The following SLC27A4 variants were observed in gnomAD, a reference collection of about 807,000 sequenced individuals.
SLC27A4 encodes solute carrier family 27 member 4.
Under a neutral mutation model 64.4 loss-of-function variants are expected in SLC27A4, and 33 were observed. The ratio of observed to expected loss-of-function variants is 0.51; its 90% CI spans 0.39 to 0.68. The LOEUF (loss-of-function observed/expected upper bound fraction) is 0.68, where lower values mean the gene tolerates loss of function less well. Ranked by LOEUF, SLC27A4 falls within the 30% of genes least tolerant of loss-of-function variation. The pLI, the probability that SLC27A4 is intolerant of heterozygous loss-of-function variation, is 0.00. For missense variants in SLC27A4, 824 were observed against 883.5 expected (o/e 0.93, Z 0.85); for synonymous variants, 377 against 370.0 (o/e 1.02, Z -0.22).
rs928697087 is a variant in SLC27A4, at chr9:128,360,782, G to A, written c.*291G>A. ...GGATGATGTCTTGGGTGAGGGTAGG[G>A]AGAGGACAAGGGGTCACCGAGCCCT... is the stretch of plus-strand genomic sequence containing the variant. On this transcript the variant is annotated 3_prime_UTR_variant, in exon 13 of 13. Coordinates refer to ENST00000300456, the MANE Select transcript of SLC27A4 (RefSeq NM_005094.4). 8.8e-6 allele frequency: 4 copies of A among 455,572 alleles called. No homozygotes were observed. The highest frequency in any genetic ancestry group is 2.1e-5 in the South Asian group (1 of 47,772). 28.2% of individuals were successfully genotyped at this position (455,572 alleles called of 1,614,324 possible). A position where few individuals can be genotyped will look rare whatever the true frequency, so the allele number is the denominator to read the frequency against.
At chr9:128,342,627 T>C in intron 1 of SLC27A4, 1 of 448,308 alleles carries the variant, frequency 2.2e-6, no homozygotes, top group Non-Finnish European at 4.2e-6. Flanking sequence ...AAATCTAGAG[T>C]AAAACCAGGC....
intron 2 of SLC27A4, among the ~76,000 whole-genome samples, chr9:128,344,191 T>G (rs1034599249): frequency 6.6e-6 from 1 of 151,892 alleles, no homozygotes; most frequent in African/African-American, 2.4e-5. Flanking sequence ...AGGAGATGAA[T>G]CCAACCAGAA....
chr9:128,358,446 A>AT (rs1470664963), intron 12 of SLC27A4, among the ~76,000 whole-genome samples: 1 of 152,092 alleles, frequency 6.6e-6, no homozygotes, highest in Non-Finnish European at 1.5e-5. Context: ...ATTAACTTAA[A>AT]TTTATTTATT....
intron 12 of SLC27A4, among the ~76,000 whole-genome samples, chr9:128,358,352 T>G (rs1316558460): frequency 6.6e-6 from 1 of 152,246 alleles, no homozygotes; most frequent in Non-Finnish European, 1.5e-5. Context: ...CTGGCAGAGC[T>G]ACTGAGCACT....
chr9:128,350,374 C>T lies in SLC27A4; in HGVS notation c.778C>T (p.His260Tyr). 1 of 1,613,502 alleles carries T rather than the reference C, an allele frequency of 6.2e-7. No individual in the cohort carries two copies. The highest frequency in any genetic ancestry group is 8.5e-7 in the Non-Finnish European group (1 of 1,179,944). Residue 260 changes from histidine to tyrosine, a missense_variant, in exon 5 of 13, where the codon CAC becomes TAC. His to Tyr is a moderately conservative substitution (Grantham distance 83). Transcript: ENST00000300456. ...GCTGCCCAAGGCCGCCATCGTGGTGCACAGCAGGTAAGGGGCAGGTGCCCA... is the reference window on the plus strand; with the variant it reads ...GCTGCCCAAGGCCGCCATCGTGGTGTACAGCAGGTAAGGGGCAGGTGCCCA... The part of the protein sequence containing the change: ...TGLPKAAIVV[H>Y]SRYYRMAALV...
intron 12 of SLC27A4, 58 bp from the exon 13 acceptor site, chr9:128,360,276 G>A (rs1832878206): frequency 6.3e-7 from 1 of 1,598,030 alleles, no homozygotes; most frequent in Admixed American, 1.7e-5. Context: ...ACTGGTGGTT[G>A]GGAAGCTGGG....
chr9:128,345,543 G>T lies in SLC27A4; in HGVS notation c.550G>T (p.Ala184Ser), dbSNP rs1211449546. Residue 184 changes from alanine (A) to serine (S), a missense_variant, in exon 3 of 13, where the codon GCC becomes TCC. Ala to Ser is a moderately conservative substitution (Grantham distance 99). Transcript: ENST00000300456. The surrounding 1 kb of genome is among the most constrained non-coding windows in gnomAD (Gnocchi z 4.1). ...ARALVFGSEM[A>S]SAICEVHASL... ...GGCCCTTGTCTTTGGCAGCGAAATG[G>T]CCTCAGGTGAGCCCCAAGGGGGCGG... 2 of 1,604,090 alleles carry T rather than the reference G, an allele frequency of 1.2e-6. No homozygotes were observed. The highest frequency in any genetic ancestry group is 1.7e-6 in the Non-Finnish European group (2 of 1,176,970).
In SLC27A4 at chr9:128,353,183, G is replaced by C. The variant is rs1255624398; in HGVS notation, c.1146G>C (p.Glu382Asp). ...GCTTCCACATACCCCAGGTGGCTGA[G>C]TTCTACGGGGCCACAGAGTGCAACT... ...SSRFHIPQVA[E>D]FYGATECNCS... Residue 382 changes from glutamate (E) to aspartate (D), a missense_variant, in exon 8 of 13, where the codon GAG becomes GAC. Physicochemically the swap from Glu to Asp is conservative, Grantham distance 45. Coordinates refer to ENST00000300456, the MANE Select transcript of SLC27A4 (RefSeq NM_005094.4). The surrounding 1 kb of genome is among the most constrained non-coding windows in gnomAD (Gnocchi z 4.9). The C allele has an allele frequency of 6.2e-7, 1 of 1,614,072 alleles. No individual in the cohort carries two copies. Among genetic ancestry groups the C allele is most frequent in the African/African-American group, 1.3e-5 (1 of 74,940 alleles).
At chr9:128,350,692 A>T (rs1486756563) in intron 6 of SLC27A4, 117 bp downstream of exon 6, 3 of 836,770 alleles carry the variant, frequency 3.6e-6, no homozygotes, top group Non-Finnish European at 5.9e-6. Context: ...GCAGTGACTC[A>T]CACCTGTAAT....
chr9:128,345,649 T>C lies in SLC27A4; in HGVS notation c.556+100T>C. ...TGCCAAGGCTGTGTGGGTCAGTGGT[T>C]AAGGGCACAGAGTGGAGTCAGACAG... On this transcript the variant is annotated intron_variant, in intron 3 of 12. Transcript: ENST00000300456. This position sits in a 1 kb window ranked among gnomAD's most constrained non-coding sequence, Gnocchi z 4.1. The C allele has an allele frequency of 7.3e-7, 1 of 1,377,516 alleles. No homozygotes were observed. Among genetic ancestry groups the C allele is most frequent in the Non-Finnish European group, 9.7e-7 (1 of 1,034,666 alleles). The allele number at this position is 1,377,516 out of a possible 1,614,324, so 85.3% of individuals were successfully genotyped here. A position where few individuals can be genotyped will look rare whatever the true frequency, so the allele number is the denominator to read the frequency against.
At chr9:128,355,941 A>G in intron 12 of SLC27A4, 145 bp downstream of exon 12, 1 of 1,071,976 alleles carries the variant, frequency 9.3e-7, no homozygotes, top group South Asian at 1.3e-5. Flanking sequence ...AGGTGAGCAG[A>G]CGGGGCTGGC....
intron 7 of SLC27A4, 35 bp downstream of exon 7, chr9:128,352,782 C>T (rs1832756619): frequency 5.4e-6 from 8 of 1,481,650 alleles, no homozygotes; most frequent in Non-Finnish European, 4.7e-6. Context: ...CTGTCCCTTT[C>T]CCCTAGTTAC....
chr9:128,359,530 CAGGAGAAT>C (rs1344394872), intron 12 of SLC27A4, among the ~76,000 whole-genome samples: 1 of 152,218 alleles, frequency 6.6e-6, no homozygotes, highest in Non-Finnish European at 1.5e-5. Context: ...GAGGCTGAGG[CAGGAGAAT>C]CGCCTGAACC....
At chr9:128,342,245 C>A (rs747977887) in intron 1 of SLC27A4, 2 of 1,610,730 alleles carry the variant, frequency 1.2e-6, no homozygotes, top group African/African-American at 1.3e-5. Flanking sequence ...TCTGACAAAC[C>A]CGATATGGCT....
At chr9:128,348,735 C>T (rs757846163) in intron 4 of SLC27A4, 32 bp downstream of exon 4, 6 of 1,604,476 alleles carry the variant, frequency 3.7e-6, no homozygotes, top group East Asian at 4.5e-5. Context: ...TAGAGGGGCT[C>T]TCACACAGGC....
intron 3 of SLC27A4, among the ~76,000 whole-genome samples, chr9:128,346,773 T>A (rs1588557194): frequency 1.3e-5 from 2 of 150,632 alleles, no homozygotes; most frequent in Non-Finnish European, 3.0e-5. Flanking sequence ...GAGGTCGAGG[T>A]GGGCAGCTTT....
At position 128,350,559 on chromosome 9, in the gene SLC27A4, C is replaced by T. The variant is rs369193438; in HGVS notation, c.861C>T (p.Pro287=). ...ACGACATCGTCTATGACTGCCTCCC[C>T]CTCTACCACTCAGCAGGTAACTCTA... ...RPNDIVYDCL[P]LYHSAGNIVG... is the part of the protein sequence containing the mutation. Residue 287 remains proline (P), a synonymous_variant, in exon 6 of 13, where the codon CCC becomes CCT. Transcript: ENST00000300456. 1.2e-6 allele frequency: 2 copies of T among 1,613,030 alleles called. No homozygotes were observed. The highest frequency in any genetic ancestry group is 2.7e-5 in the African/African-American group (2 of 74,922).
chr9:128,350,399 A>T lies in SLC27A4; in HGVS notation c.785+18A>T, dbSNP rs767994154. 4 of 1,613,454 alleles carry T rather than the reference A, an allele frequency of 2.5e-6. No homozygotes were observed. The South Asian group carries it at 4.4e-5, about 18-fold the overall frequency. On this transcript the variant is annotated intron_variant, in intron 5 of 12. Transcript: ENST00000300456. Reference sequence around the variant, plus strand: ...CACAGCAGGTAAGGGGCAGGTGCCCAGGGTGGGGTAGGCACAGGCAGGGCT... The same window carrying T: ...CACAGCAGGTAAGGGGCAGGTGCCCTGGGTGGGGTAGGCACAGGCAGGGCT...
At position 128,350,376 on chromosome 9, in the gene SLC27A4, C is replaced by T. The variant is rs1233849313; in HGVS notation, c.780C>T (p.His260=). Residue 260 remains histidine (H), a synonymous_variant, in exon 5 of 13, where the codon CAC becomes CAT. Transcript: ENST00000300456. ...TGCCCAAGGCCGCCATCGTGGTGCACAGCAGGTAAGGGGCAGGTGCCCAGG... is the reference window on the plus strand; with the variant it reads ...TGCCCAAGGCCGCCATCGTGGTGCATAGCAGGTAAGGGGCAGGTGCCCAGG... ...TGLPKAAIVV[H]SRYYRMAALV... The T allele has an allele frequency of 3.7e-6, 6 of 1,613,428 alleles. No individual in the cohort carries two copies. The highest frequency in any genetic ancestry group is 5.1e-6 in the Non-Finnish European group (6 of 1,179,964).
Sources: gnomAD v4.1 joint callset for allele counts (sites outside exome capture counted in the v4.1 genomes callset) on GRCh38, gnomAD v4.1.1 for gene constraint, Gnocchi (gnomAD v3.1) non-coding constraint, MANE v1.5 for transcripts, NCBI Gene and HGNC (gene_info 2026-07-23, HGNC 2026-07-21) for gene names.